The following DENND4A variants were observed in gnomAD, a reference collection of about 807,000 sequenced individuals.
DENND4A encodes DENN domain containing 4A.
In DENND4A, 70 loss-of-function variants were observed where a neutral mutation model predicts 199.3. The ratio of observed to expected loss-of-function variants is 0.35; its 90% CI spans 0.29 to 0.43. The LOEUF (loss-of-function observed/expected upper bound fraction) is 0.43. DENND4A is among the 20% of genes least tolerant of loss of function. DENND4A has a pLI of 1.00. For missense variants in DENND4A, 1,723 were observed against 2,255.8 expected, an observed-to-expected ratio of 0.76 and a Z score of 4.78; for synonymous variants, 686 against 766.9, an observed-to-expected ratio of 0.89 and a Z score of 1.74.
At chr15:65,676,927 G>C (rs981979208) in intron 23 of DENND4A, among the ~76,000 whole-genome samples, 3 of 152,136 alleles carry the variant, frequency 2.0e-5, no homozygotes, top group Non-Finnish European at 4.4e-5. Context: ...TTTCCTCTCT[G>C]ACAAGGTATC....
rs944187334 is a variant in DENND4A at position 65,660,798 on chromosome 15, A to T, written c.*1053T>A. On this transcript the variant is annotated 3_prime_UTR_variant, in exon 33 of 33. Coordinates refer to ENST00000443035, the MANE Select transcript of DENND4A (RefSeq NM_001320835.1). ...TTAGAGGGGAATTTTTCTACTTTTG[A>T]AAAAAATTCTGAATATTTATATATA... 1 of 152,700 alleles carries T rather than the reference A, an allele frequency of 6.5e-6. No homozygotes were observed. Among genetic ancestry groups the T allele is most frequent in the African/African-American group, 2.4e-5 (1 of 41,422 alleles). 9.5% of individuals were successfully genotyped at this position (152,700 alleles called of 1,614,324 possible).
chr15:65,732,098 T>C (rs1433559595), intron 8 of DENND4A, among the ~76,000 whole-genome samples: 2 of 152,136 alleles, frequency 1.3e-5, no homozygotes, highest in Admixed American at 6.5e-5. Context: ...ATTTACATAT[T>C]ACCCAGCTGC....
chr15:65,739,415 A>T (rs2076194863), intron 5 of DENND4A, among the ~76,000 whole-genome samples: 1 of 152,230 alleles, frequency 6.6e-6, no homozygotes. Context: ...ACACCAGGTT[A>T]TATGAAGATA....
chr15:65,706,409 A>G (rs2075050602), intron 14 of DENND4A, among the ~76,000 whole-genome samples, 185 bp from the exon 15 acceptor site: 1 of 151,010 alleles, frequency 6.6e-6, no homozygotes, highest in African/African-American at 2.4e-5. Context: ...GCAAACTGTA[A>G]ATAGTATATT....
chr15:65,780,271 C>G (rs2077404210), intron 1 of DENND4A, among the ~76,000 whole-genome samples: 2 of 152,130 alleles, frequency 1.3e-5, no homozygotes, highest in Non-Finnish European at 2.9e-5. Flanking sequence ...AAAATATAGT[C>G]TTAGTACAGC....
At chr15:65,724,301 C>T (rs1011905939) in intron 11 of DENND4A, among the ~76,000 whole-genome samples, 1 of 151,958 alleles carries the variant, frequency 6.6e-6, no homozygotes, top group African/African-American at 2.4e-5. Context: ...TTAAGGAATC[C>T]TCCTGGCCTC....
chr15:65,761,578 G>A (rs1323845528), intron 1 of DENND4A, 140 bp from the exon 2 acceptor site: 1 of 151,636 alleles, frequency 6.6e-6, no homozygotes, highest in Non-Finnish European at 1.5e-5. Context: ...GTGGTTAAGA[G>A]CCAATAAGCA....
intron 18 of DENND4A, 146 bp downstream of exon 18, chr15:65,701,616 A>G (rs1051289565): frequency 1.1e-5 from 8 of 748,552 alleles, no homozygotes; most frequent in Middle Eastern, 3.8e-4. Flanking sequence ...AACATAAAAG[A>G]GAACTAAAGT....
Position 65,718,760 on chromosome 15 carries a change from CTTTTT to C in DENND4A, c.1589-769_1589-765del, listed in dbSNP as rs1038227560. Among the ~76,000 whole-genome samples, 34 of 67,768 alleles carry C rather than the reference CTTTTT, an allele frequency of 5.0e-4. 1 individual carries two copies. Among genetic ancestry groups the C allele is most frequent in the Non-Finnish European group, 8.3e-4 (28 of 33,882 alleles). 44.5% of individuals were successfully genotyped at this position (67,768 alleles called of 152,430 possible). A position where few individuals can be genotyped will look rare whatever the true frequency, so the allele number is the denominator to read the frequency against. On this transcript the variant is annotated intron_variant, in intron 12 of 32. Coordinates refer to ENST00000443035, the MANE Select transcript of DENND4A (RefSeq NM_001320835.1). ...TCAAAAGTTTTGCATGTTTTTTTTC[CTTTTT>C]TTTTTTTTTTTTTTTTTTTTTTTTG...
At chr15:65,696,546 T>C (rs748931345) in intron 21 of DENND4A, 49 bp from the exon 22 acceptor site, 8 of 1,407,746 alleles carry the variant, frequency 5.7e-6, no homozygotes, top group African/African-American at 2.9e-5. Flanking sequence ...CTATATACAC[T>C]GTAGGAGGTA....
Position 65,702,404 on chromosome 15 carries a change from T to C in DENND4A, c.2331A>G (p.Pro777=), listed in dbSNP as rs1429264408. The part of the protein sequence containing the change: ...HCYGLWFICL[P]AYVKVCHSKV... ...TTGAATGACAGACTTTCACATAAGC[T>C]GGGAGACAAATAAACCACAGTCCAT... Residue 777 remains proline, a synonymous_variant, in exon 17 of 33, where the codon CCA becomes CCG. Transcript: ENST00000443035. 1.3e-6 allele frequency: 2 copies of C among 1,574,150 alleles called. No individual in the cohort carries two copies. Among genetic ancestry groups the C allele is most frequent in the Non-Finnish European group, 1.7e-6 (2 of 1,159,376 alleles).
Position 65,701,195 on chromosome 15 carries a change from A to G in DENND4A, c.2560-3T>C, listed in dbSNP as rs768708194. On this transcript the variant is annotated splice_polypyrimidine_tract_variant and splice_region_variant and intron_variant, in intron 18 of 32. Transcript: ENST00000443035. The stretch of plus-strand genomic sequence containing the variant: ...GGCCAGGTACTTTCCAAAACAGCCT[A>G]TTCATTCAACAAAATAAAATAATTA... 1.1e-5 allele frequency: 17 copies of G among 1,562,562 alleles called. No homozygotes were observed. Among genetic ancestry groups the G allele is most frequent in the Middle Eastern group, 3.4e-4 (2 of 5,834 alleles).
chr15:65,678,277 C>T (rs1000309268), intron 23 of DENND4A, among the ~76,000 whole-genome samples: 1 of 152,182 alleles, frequency 6.6e-6, no homozygotes, highest in Admixed American at 6.5e-5. Flanking sequence ...TGTATCTTCT[C>T]TATCAATTTT....
intron 1 of DENND4A, among the ~76,000 whole-genome samples, chr15:65,778,377 C>A (rs1475549148): frequency 2.0e-5 from 3 of 150,600 alleles, no homozygotes; most frequent in African/African-American, 7.3e-5. Flanking sequence ...CCCCACCCAT[C>A]TACACCCATT....
intron 1 of DENND4A, among the ~76,000 whole-genome samples, chr15:65,790,925 G>A (rs2077700568): frequency 1.3e-5 from 2 of 152,182 alleles, no homozygotes; most frequent in Admixed American, 1.3e-4. Context: ...GTTTACAGGT[G>A]TCTCCACCTC....
chr15:65,692,056 G>A (rs901258780), intron 22 of DENND4A, among the ~76,000 whole-genome samples: 1 of 148,292 alleles, frequency 6.7e-6, no homozygotes, highest in African/African-American at 2.5e-5. Flanking sequence ...TTCTGCTTTG[G>A]CTTCCCAAAG....
At chr15:65,769,198 TACACACACACACAC>T (rs3082834) in intron 1 of DENND4A, among the ~76,000 whole-genome samples, 3 of 146,380 alleles carry the variant, frequency 2.0e-5, no homozygotes, top group South Asian at 2.2e-4. Flanking sequence ...ATATAAGGTA[TACACACACACACAC>T]ACACACACAC....
At chr15:65,701,639 A>C in intron 18 of DENND4A, 123 bp downstream of exon 18, 1 of 902,550 alleles carries the variant, frequency 1.1e-6, no homozygotes. Flanking sequence ...TCCTTGATTG[A>C]CAAAATGTAT....
chr15:65,698,725 C>CTT (rs2077241276), intron 20 of DENND4A, among the ~76,000 whole-genome samples: 1 of 126,228 alleles, frequency 7.9e-6, no homozygotes, highest in Non-Finnish European at 1.6e-5. Context: ...TTTAAGATAG[C>CTT]CTTTTTTTTT....
Sources: gnomAD v4.1 joint callset for allele counts (sites outside exome capture counted in the v4.1 genomes callset) on GRCh38, gnomAD v4.1.1 for gene constraint, MANE v1.5 for transcripts, NCBI Gene and HGNC (gene_info 2026-07-23, HGNC 2026-07-21) for gene names.